Variants in ZMYM4 observed in about 807,000 individuals in gnomAD.
ZMYM4 encodes zinc finger MYM-type protein 4.
A neutral mutation model predicts 183.2 loss-of-function variants in ZMYM4; 31 were observed. The observed-to-expected ratio is 0.17, with a 90% confidence interval of 0.13 to 0.23. The LOEUF (loss-of-function observed/expected upper bound fraction) is 0.23, where lower values mean the gene tolerates loss of function less well. Ranked by LOEUF, ZMYM4 falls within the 10% of genes least tolerant of loss-of-function variation. The pLI is 1.00. For synonymous variants in ZMYM4, 592 were observed against 631.2 expected (o/e 0.94, Z 0.93); for missense variants, 1,273 against 1,840.3 (o/e 0.69, Z 5.64).
At chr1:35,350,616 G>A in intron 2 of ZMYM4, 1 of 189,996 alleles carries the variant, frequency 5.3e-6, no homozygotes, top group Non-Finnish European at 1.1e-5. Context: ...GTTTATTTCT[G>A]AAAATTATGC....
chr1:35,294,549 G>C (rs1638502945), intron 1 of ZMYM4, among the ~76,000 whole-genome samples: 2 of 152,134 alleles, frequency 1.3e-5, no homozygotes, highest in South Asian at 4.1e-4. Flanking sequence ...ACTGGTATGG[G>C]AATGCTGAAT....
intron 1 of ZMYM4, among the ~76,000 whole-genome samples, chr1:35,281,727 C>T (rs1005216088): frequency 1.3e-5 from 2 of 151,688 alleles, no homozygotes; most frequent in African/African-American, 4.8e-5. Context: ...AATTCAGTGG[C>T]ATTAAGTACA....
chr1:35,299,989 T>G (rs1158267787), intron 1 of ZMYM4, among the ~76,000 whole-genome samples: 1 of 151,650 alleles, frequency 6.6e-6, no homozygotes, highest in Non-Finnish European at 1.5e-5. Context: ...TAGAGACGGG[T>G]TTTCACAGTG....
intron 7 of ZMYM4, among the ~76,000 whole-genome samples, chr1:35,371,201 C>T (rs932194402): frequency 1.3e-5 from 2 of 150,198 alleles, no homozygotes; most frequent in Non-Finnish European, 3.0e-5. Flanking sequence ...CTGCAAGCTC[C>T]GCCTCCCGGG....
At chr1:35,308,063 C>T (rs145447012) in intron 1 of ZMYM4, among the ~76,000 whole-genome samples, 1 of 152,118 alleles carries the variant, frequency 6.6e-6, no homozygotes, top group Non-Finnish European at 1.5e-5. Context: ...TCAATCTTGG[C>T]TCACTGCAAC....
chr1:35,281,079 T>C (rs1002410762), intron 1 of ZMYM4, among the ~76,000 whole-genome samples: 4 of 152,060 alleles, frequency 2.6e-5, no homozygotes, highest in Non-Finnish European at 5.9e-5. Context: ...GGTCAGGAGA[T>C]CGAGACCATC....
chr1:35,368,208 A>G (rs574178899), intron 5 of ZMYM4, among the ~76,000 whole-genome samples: 5 of 152,276 alleles, frequency 3.3e-5, no homozygotes, highest in East Asian at 1.9e-4. Flanking sequence ...GACAGAGACC[A>G]TATGGCCTGC....
chr1:35,381,484 TAAAGA>T, intron 8 of ZMYM4, 51 bp downstream of exon 8: 1 of 1,609,256 alleles, frequency 6.2e-7, no homozygotes, highest in South Asian at 1.1e-5. Context: ...CGTTTGTGCT[TAAAGA>T]ACAGCTTTTG....
rs772468259 is a variant in ZMYM4 at position 35,398,437 on chromosome 1, T to C, written c.3224T>C (p.Leu1075Pro). The C allele has an allele frequency of 6.2e-7, 1 of 1,612,006 alleles. No homozygotes were observed. Among genetic ancestry groups the C allele is most frequent in the African/African-American group, 1.3e-5 (1 of 74,922 alleles). ...QGESQTSEHE[L>P]FLDTKIFEKD... is the part of the protein sequence containing the mutation. ...GAGTCCCAAACTTCTGAACACGAAC[T>C]CTTTCTAGACACCAAGATATTTGAA... The change falls in exon 21 of 30, where the codon CTC (leucine) becomes CCC (proline). Residue 1075 changes from leucine to proline, a missense_variant. This residue lies in a region of ZMYM4 where 290 missense variants were observed against 353.3 expected (regional missense o/e 0.82). Coordinates refer to ENST00000314607, the MANE Select transcript of ZMYM4 (RefSeq NM_005095.3).
chr1:35,408,832 T>TTTGC, intron 26 of ZMYM4, among the ~76,000 whole-genome samples: 2 of 152,232 alleles, frequency 1.3e-5, no homozygotes, highest in Non-Finnish European at 2.9e-5. Flanking sequence ...TGCAATTCAG[T>TTTGC]AGGACTAATA....
In ZMYM4 at chr1:35,359,135, A is replaced by G. The variant is rs552148871; in HGVS notation, c.296A>G (p.Asp99Gly). ...GATGAACAGGATTTTAGTTCAAAGG[A>G]CAATCTTGTTTCTTCAATTCATACT... ...NEDEQDFSSK[D>G]NLVSSIHTDD... The change falls in exon 3 of 30, where the codon GAC becomes GGC. Residue 99 changes from aspartate (D) to glycine (G), a missense_variant. Around this residue, in one of 6 missense-constraint regions of ZMYM4, gnomAD observed 384 missense variants for 465.6 expected, o/e 0.82. Transcript: ENST00000314607. 27 of 1,613,788 alleles carry G rather than the reference A, an allele frequency of 1.7e-5. 1 individual carries two copies. The South Asian group carries it at 2.9e-4, about 17-fold the overall frequency.
At chr1:35,295,103 A>G (rs1640943293) in intron 1 of ZMYM4, among the ~76,000 whole-genome samples, 1 of 152,258 alleles carries the variant, frequency 6.6e-6, no homozygotes, top group Admixed American at 6.5e-5. Flanking sequence ...TGGAGTTTAC[A>G]TTCCAGGGAT....
intron 10 of ZMYM4, 57 bp from the exon 11 acceptor site, chr1:35,386,017 A>G: frequency 7.8e-7 from 1 of 1,281,022 alleles, no homozygotes; most frequent in Non-Finnish European, 1.1e-6. Flanking sequence ...TTAATTTCTC[A>G]TACTTTTGTG....
chr1:35,305,504 G>A (rs1641495562), intron 1 of ZMYM4, among the ~76,000 whole-genome samples: 1 of 149,400 alleles, frequency 6.7e-6, no homozygotes. Flanking sequence ...TACAGACTTG[G>A]GCCACCATGC....
intron 17 of ZMYM4, 136 bp downstream of exon 17, chr1:35,392,820 C>T: frequency 1.6e-6 from 1 of 618,262 alleles, no homozygotes; most frequent in South Asian, 2.9e-5. Flanking sequence ...AATCTTTGTT[C>T]AGGAATAGGA....
In ZMYM4 at chr1:35,414,091, G is replaced by T; in HGVS notation, c.4060+8G>T. The T allele has an allele frequency of 6.9e-7, 1 of 1,443,432 alleles. No homozygotes were observed. The allele number at this position is 1,443,432 out of a possible 1,614,324, so 89.4% of individuals were successfully genotyped here. A position where few individuals can be genotyped will look rare whatever the true frequency, so the allele number is the denominator to read the frequency against. Reference sequence around the variant, plus strand: ...CTACAATACTTCCTAATGGTAGGGTGATTTTTTTTTTATTGTTTTCATGAT... The same window carrying T: ...CTACAATACTTCCTAATGGTAGGGTTATTTTTTTTTTATTGTTTTCATGAT... On this transcript the variant is annotated splice_region_variant and intron_variant, in intron 27 of 29. Coordinates refer to ENST00000314607, the MANE Select transcript of ZMYM4 (RefSeq NM_005095.3).
intron 1 of ZMYM4, among the ~76,000 whole-genome samples, chr1:35,287,212 T>A (rs531272092): frequency 1.3e-5 from 2 of 151,634 alleles, no homozygotes; most frequent in Non-Finnish European, 2.9e-5. Context: ...ATAGTGGTTT[T>A]ACTTAATTTT....
chr1:35,299,817 CAG>C (rs1211570673), intron 1 of ZMYM4, among the ~76,000 whole-genome samples: 8 of 150,098 alleles, frequency 5.3e-5, no homozygotes, highest in African/African-American at 2.0e-4. Context: ...TTTTATGAGA[CAG>C]AGTCTTGCTC....
At chr1:35,279,265 A>G (rs1238776039) in intron 1 of ZMYM4, among the ~76,000 whole-genome samples, 4 of 152,210 alleles carry the variant, frequency 2.6e-5, no homozygotes, top group Admixed American at 6.5e-5. Context: ...ATTTTGTCCC[A>G]TCTCTGTTCC....
Sources: gnomAD v4.1 joint callset for allele counts (sites outside exome capture counted in the v4.1 genomes callset) on GRCh38, gnomAD v4.1.1 for gene constraint, gnomAD v4.1.1 regional missense constraint, MANE v1.5 for transcripts, NCBI Gene and HGNC (gene_info 2026-07-23, HGNC 2026-07-21) for gene names.